TM7SF3: variants seen among roughly 807,000 people sequenced by gnomAD.
TM7SF3 encodes seven span transmembrane protein.
TM7SF3 carries 60 observed loss-of-function variants against 65.5 expected under a neutral mutation model. The ratio of observed to expected loss-of-function variants is 0.92; its 90% confidence interval spans 0.74 to 1.14. The LOEUF (loss-of-function observed/expected upper bound fraction) is 1.14, where lower values mean the gene tolerates loss of function less well. Among genes scored for constraint, TM7SF3 ranks in the 50% most tolerant of loss-of-function variants. TM7SF3 has a pLI of 0.00. For synonymous variants in TM7SF3, 264 were observed against 259.6 expected, an observed-to-expected ratio of 1.02 and a Z score of -0.16; for missense variants, 623 against 684.8, an observed-to-expected ratio of 0.91 and a Z score of 1.01.
rs376443882 is a variant in TM7SF3 at position 26,972,775 on chromosome 12, A to G, written c.*1190T>C. On this transcript the variant is annotated 3_prime_UTR_variant, in exon 12 of 12. Transcript: ENST00000343028. ...GGCAATATAGATTAAGGTGGGGGTTATTTCCTAAAAACAAAAGTAATCCAT... is the reference window on the plus strand; with the variant it reads ...GGCAATATAGATTAAGGTGGGGGTTGTTTCCTAAAAACAAAAGTAATCCAT... 2.0e-4 allele frequency among the ~76,000 whole-genome samples: 30 copies of G among 152,054 alleles called. 1 individual carries two copies. The East Asian group carries it at 2.5e-3, about 13-fold the overall frequency.
chr12:26,992,805 T>G (rs1298334483), intron 5 of TM7SF3, among the ~76,000 whole-genome samples: 1 of 151,810 alleles, frequency 6.6e-6, no homozygotes, highest in Non-Finnish European at 1.5e-5. Context: ...TCAGGGACCA[T>G]CTGTATAAGA....
At chr12:27,003,498 G>T in intron 1 of TM7SF3, 108 bp from the exon 2 acceptor site, 1 of 1,032,424 alleles carries the variant, frequency 9.7e-7, no homozygotes, top group Non-Finnish European at 1.4e-6. Flanking sequence ...AACTCCTTGA[G>T]GTAAATATGG....
Position 27,014,152 on chromosome 12 carries a change from A to C in TM7SF3, c.17T>G (p.Leu6Arg). ...GGATGCCAGCACCGCTACGACCAGC[A>C]GCTGCAGGAACCCCATTGCTGCCTG... is the stretch of plus-strand genomic sequence containing the variant. MGFLQLLVVAVLASEH... is the reference protein window; with the variant it reads MGFLQRLVVAVLASEH... Residue 6 changes from leucine to arginine, a missense_variant, in exon 1 of 12, where the codon CTG becomes CGG. Physicochemically the swap from Leu to Arg is moderately radical, Grantham distance 102. Transcript: ENST00000343028. 1 of 1,563,462 alleles carries C rather than the reference A, an allele frequency of 6.4e-7. No homozygotes were observed.
chr12:27,014,059 C>A lies in TM7SF3; in HGVS notation c.91+19G>T, dbSNP rs756505155. The stretch of plus-strand genomic sequence containing the variant: ...CAAAAGCAACTTTGGGTTGCAGAAG[C>A]CAGGCGCCCCGACCTTACCCTCGCT... On this transcript the variant is annotated intron_variant, in intron 1 of 11. Coordinates refer to ENST00000343028, the MANE Select transcript of TM7SF3 (RefSeq NM_016551.3). The A allele has an allele frequency of 6.4e-5, 99 of 1,555,050 alleles. No individual in the cohort carries two copies. The highest frequency in any genetic ancestry group is 8.2e-5 in the Non-Finnish European group (94 of 1,147,768).
chr12:27,012,929 C>T (rs1011585628), intron 1 of TM7SF3: 4 of 329,266 alleles, frequency 1.2e-5, no homozygotes, highest in Non-Finnish European at 1.8e-5. Flanking sequence ...ACCCGGGTGT[C>T]GGAGGTTGCA....
intron 5 of TM7SF3, among the ~76,000 whole-genome samples, chr12:26,992,033 T>G (rs1592291894): frequency 6.6e-6 from 1 of 152,146 alleles, no homozygotes; most frequent in East Asian, 1.9e-4. Flanking sequence ...ATGATGCCAA[T>G]GCTATGCAAA....
intron 1 of TM7SF3, among the ~76,000 whole-genome samples, chr12:27,008,025 G>A (rs1391155536): frequency 6.6e-6 from 1 of 152,056 alleles, no homozygotes; most frequent in Non-Finnish European, 1.5e-5. Flanking sequence ...AACATTTTCT[G>A]TGCATGTCTT....
intron 7 of TM7SF3, among the ~76,000 whole-genome samples, chr12:26,982,464 A>C (rs1270870830): frequency 6.6e-6 from 1 of 152,236 alleles, no homozygotes; most frequent in Non-Finnish European, 1.5e-5. Flanking sequence ...GGCATGAGCC[A>C]CTGAGCCCGG....
At chr12:27,002,668 T>A (rs1355905673) in intron 2 of TM7SF3, among the ~76,000 whole-genome samples, 2 of 152,190 alleles carry the variant, frequency 1.3e-5, no homozygotes, top group African/African-American at 4.8e-5. Flanking sequence ...CAGAGAATTT[T>A]AAAAACTTTC....
At chr12:26,980,098 T>G in intron 8 of TM7SF3, 162 bp from the exon 9 acceptor site, 1 of 777,222 alleles carries the variant, frequency 1.3e-6, no homozygotes, top group Non-Finnish European at 2.0e-6. Context: ...CAACCCTCTC[T>G]AGGGAGGGGT....
chr12:26,981,318 T>C (rs1939804519), intron 7 of TM7SF3, among the ~76,000 whole-genome samples: 1 of 152,196 alleles, frequency 6.6e-6, no homozygotes. Flanking sequence ...TATAAAATGA[T>C]ACATATCAAC....
At position 27,003,206 on chromosome 12, in the gene TM7SF3, A is replaced by AT. The variant is rs758491244; in HGVS notation, c.246+29dup. Reference sequence around the variant, plus strand: ...ACCAGACCCCCAAAATATAGAAATGATTTTTACTAAAATAATTCTTTGCAC... The same window carrying AT: ...ACCAGACCCCCAAAATATAGAAATGATTTTTTACTAAAATAATTCTTTGCAC... On this transcript the variant is annotated intron_variant, in intron 2 of 11. Transcript: ENST00000343028. 9.1e-6 allele frequency: 14 copies of AT among 1,537,850 alleles called. No homozygotes were observed. In the East Asian group the frequency reaches 2.5e-4, roughly 27 times the overall value.
chr12:26,984,121 A>T (rs992565635), intron 6 of TM7SF3, among the ~76,000 whole-genome samples: 4 of 152,186 alleles, frequency 2.6e-5, no homozygotes, highest in Non-Finnish European at 4.4e-5. Context: ...TCTGAGAATA[A>T]GGAGCCCATA....
At chr12:26,999,767 C>A in intron 2 of TM7SF3, 91 bp from the exon 3 acceptor site, 1 of 1,322,792 alleles carries the variant, frequency 7.6e-7, no homozygotes, top group South Asian at 1.4e-5. Flanking sequence ...TATTCCAAAT[C>A]TTCCCAAAAC....
intron 2 of TM7SF3, among the ~76,000 whole-genome samples, chr12:27,002,061 C>T (rs988309548): frequency 1.6e-4 from 25 of 152,136 alleles, no homozygotes; most frequent in Non-Finnish European, 5.9e-5. Flanking sequence ...CACGCACACA[C>T]GTGCACAACC....
chr12:26,972,420 CT>C lies in TM7SF3; in HGVS notation c.*1544del, dbSNP rs58993373. On this transcript the variant is annotated 3_prime_UTR_variant, in exon 12 of 12. Coordinates refer to ENST00000343028, the MANE Select transcript of TM7SF3 (RefSeq NM_016551.3). ...GTTTTCTTATTAATGGCAATACAGA[CT>C]TTTTTTTTTTTTGAGACGGAGTCTC... 0.26 allele frequency: 37,838 copies of C among 147,124 alleles called. 4,826 individuals are homozygous for C. The highest frequency in any genetic ancestry group is 0.41 in the East Asian group (2,076 of 5,034). The allele number at this position is 147,124 out of a possible 1,614,324, so 9.1% of individuals were successfully genotyped here.
intron 9 of TM7SF3, chr12:26,978,774 G>A (rs946325979): frequency 2.6e-5 from 4 of 151,442 alleles, no homozygotes; most frequent in African/African-American, 9.7e-5. Flanking sequence ...AGTAGAGATG[G>A]GGAATCACTA....
rs1173447509 is a variant in TM7SF3 at position 26,973,537 on chromosome 12, T to C, written c.*428A>G. On this transcript the variant is annotated 3_prime_UTR_variant, in exon 12 of 12. Transcript: ENST00000343028. ...ATCAAATCCCTAAATCTCCAAATAC[T>C]GTCACAGATAAAGACTCAATAATAA... is the stretch of plus-strand genomic sequence containing the variant. 1.3e-5 allele frequency: 2 copies of C among 155,004 alleles called. No individual in the cohort carries two copies. Among genetic ancestry groups the C allele is most frequent in the African/African-American group, 2.4e-5 (1 of 41,510 alleles). 9.6% of individuals were successfully genotyped at this position (155,004 alleles called of 1,614,324 possible).
intron 1 of TM7SF3, among the ~76,000 whole-genome samples, chr12:27,008,050 T>C (rs1450517437): frequency 6.6e-6 from 1 of 152,198 alleles, no homozygotes; most frequent in Admixed American, 6.5e-5. Context: ...TACACGCATA[T>C]ACACATTTTT....
Sources: gnomAD v4.1 joint callset for allele counts (sites outside exome capture counted in the v4.1 genomes callset) on GRCh38, gnomAD v4.1.1 for gene constraint, MANE v1.5 for transcripts, NCBI Gene and HGNC (gene_info 2026-07-23, HGNC 2026-07-21) for gene names.